Variants in AK5 observed in about 807,000 individuals in gnomAD.
The protein encoded by AK5 is adenylate kinase isoenzyme 5.
Under a neutral mutation model 69.5 loss-of-function variants are expected in AK5, and 27 were observed. That is an observed-to-expected ratio of 0.39 (90% CI 0.29 to 0.54). The LOEUF is 0.54. AK5 is among the 20% of genes least tolerant of loss of function. The pLI is 0.71. For synonymous variants in AK5, 260 were observed against 244.4 expected (o/e 1.06, Z -0.60); for missense variants, 531 against 700.4 (o/e 0.76, Z 2.73).
chr1:77,458,924 AAG>A (rs1389450204), intron 8 of AK5, among the ~76,000 whole-genome samples: 3 of 152,190 alleles, frequency 2.0e-5, no homozygotes, highest in Non-Finnish European at 4.4e-5. Context: ...CCAAAGCCAG[AAG>A]AGAGAGAATT....
chr1:77,309,820 G>C (rs886394164), intron 5 of AK5, among the ~76,000 whole-genome samples: 1 of 151,972 alleles, frequency 6.6e-6, no homozygotes, highest in African/African-American at 2.4e-5. Context: ...TAGATTGTTT[G>C]AGTTTTTAAA....
chr1:77,463,570 T>A (rs1180267184), intron 8 of AK5, among the ~76,000 whole-genome samples: 5 of 147,312 alleles, frequency 3.4e-5, no homozygotes, highest in Non-Finnish European at 6.0e-5. Context: ...TGTTTAGCTT[T>A]AAAAAAAAAA....
In AK5 at chr1:77,535,902, A is replaced by C; in HGVS notation, c.1484A>C (p.Asn495Thr). 1.2e-6 allele frequency: 2 copies of C among 1,613,828 alleles called. No individual in the cohort carries two copies. The highest frequency in any genetic ancestry group is 1.7e-6 in the Non-Finnish European group (2 of 1,179,946). ...GACTGCTCGGCAGACACCATGACCA[A>C]CCGCCTTCTCCAAAGGAGCCGGAGC... Reference protein sequence around the residue: ...CMDCSADTMTNRLLQRSRSSL... With the variant: ...CMDCSADTMTTRLLQRSRSSL... Residue 495 changes from asparagine to threonine, a missense_variant, in exon 13 of 14, where the codon AAC becomes ACC. By Grantham distance (65) the Asn-to-Thr change is moderately conservative (BLOSUM62 0). Coordinates refer to ENST00000354567, the MANE Select transcript of AK5 (RefSeq NM_174858.3).
chr1:77,342,400 A>C (rs1272778236), intron 6 of AK5, among the ~76,000 whole-genome samples: 3 of 152,186 alleles, frequency 2.0e-5, no homozygotes, highest in African/African-American at 7.2e-5. Flanking sequence ...CGGAGTGGAT[A>C]TTATTAATTT....
rs192659886 is a variant in AK5 at position 77,297,225 on chromosome 1, T to C, written c.416-334T>C. 3.2e-3 allele frequency among the ~76,000 whole-genome samples: 483 copies of C among 152,310 alleles called. 2 individuals are homozygous for C. Among genetic ancestry groups the C allele is most frequent in the African/African-American group, 0.011 (463 of 41,582 alleles). ...TTATATTCCACAGATTTTTCTTTGA[T>C]TACAGAGGGAAAAATGTTAGATTTT... On this transcript the variant is annotated intron_variant, in intron 3 of 13. Transcript: ENST00000354567.
At chr1:77,290,186 G>T (rs1318573152) in intron 2 of AK5, among the ~76,000 whole-genome samples, 1 of 152,084 alleles carries the variant, frequency 6.6e-6, no homozygotes, top group Non-Finnish European at 1.5e-5. Context: ...GTATCTGAAA[G>T]GTATGCTAAA....
In AK5 at chr1:77,293,967, G is replaced by A. The variant is rs1658838269; in HGVS notation, c.415+7G>A. On this transcript the variant is annotated splice_region_variant and intron_variant, in intron 3 of 13. Coordinates refer to ENST00000354567, the MANE Select transcript of AK5 (RefSeq NM_174858.3). ...AAAATCATTCTTGTTATAGGTATGA[G>A]GACAGAAAGCAAAAATTCTCATACC... The A allele has an allele frequency of 6.2e-7, 1 of 1,601,562 alleles. No individual in the cohort carries two copies. The highest frequency in any genetic ancestry group is 1.1e-5 in the South Asian group (1 of 87,376).
intron 8 of AK5, among the ~76,000 whole-genome samples, chr1:77,463,167 G>A (rs1157558849): frequency 2.6e-5 from 4 of 152,164 alleles, no homozygotes; most frequent in Non-Finnish European, 5.9e-5. Context: ...CCAATAACAA[G>A]CACCCCAACT....
At chr1:77,489,381 C>T (rs1655833333) in intron 10 of AK5, among the ~76,000 whole-genome samples, 1 of 152,188 alleles carries the variant, frequency 6.6e-6, no homozygotes, top group Non-Finnish European at 1.5e-5. Flanking sequence ...CACTGTGATA[C>T]AAGGGAAAAC....
chr1:77,330,569 C>A (rs953736951), intron 5 of AK5, among the ~76,000 whole-genome samples: 8 of 152,204 alleles, frequency 5.3e-5, no homozygotes, highest in East Asian at 1.9e-4. Flanking sequence ...GGCAGTGAAT[C>A]TGTCTCTAGG....
chr1:77,456,305 G>A (rs1444090480), intron 8 of AK5, among the ~76,000 whole-genome samples: 2 of 152,228 alleles, frequency 1.3e-5, no homozygotes, highest in Non-Finnish European at 2.9e-5. Flanking sequence ...AAGGACACTA[G>A]TTTCTGATCT....
At chr1:77,348,529 C>T (rs1303486102) in intron 6 of AK5, among the ~76,000 whole-genome samples, 2 of 152,112 alleles carry the variant, frequency 1.3e-5, no homozygotes, top group African/African-American at 2.4e-5. Flanking sequence ...ATTCTGATTC[C>T]AAGAACTGTT....
intron 6 of AK5, among the ~76,000 whole-genome samples, chr1:77,378,442 C>A (rs962617762): frequency 6.6e-6 from 1 of 152,180 alleles, no homozygotes; most frequent in Admixed American, 6.5e-5. Context: ...TTGCCTCAGC[C>A]TCCCAAGTAG....
intron 5 of AK5, among the ~76,000 whole-genome samples, chr1:77,309,385 C>T (rs937413945): frequency 5.9e-5 from 9 of 152,044 alleles, no homozygotes; most frequent in Non-Finnish European, 1.3e-4. Context: ...TTTTATATAC[C>T]TGTCTACACG....
chr1:77,484,877 T>C (rs1156660031), intron 9 of AK5, among the ~76,000 whole-genome samples: 1 of 152,258 alleles, frequency 6.6e-6, no homozygotes, highest in Admixed American at 6.5e-5. Flanking sequence ...TTAAAAACTA[T>C]ATACTTAATT....
Position 77,306,440 on chromosome 1 carries a change from T to C in AK5, c.699+8493T>C, listed in dbSNP as rs1659639719. 6.6e-5 allele frequency among the ~76,000 whole-genome samples: 10 copies of C among 152,076 alleles called. No individual in the cohort carries two copies. In the South Asian group the frequency reaches 1.9e-3, roughly 28 times the overall value. On this transcript the variant is annotated intron_variant, in intron 5 of 13. Transcript: ENST00000354567. Reference sequence around the variant, plus strand: ...CCCAGAGATAAATCTCACTTGGTTATGATGAATGATCTTTCTAATGCATTG... The same window carrying C: ...CCCAGAGATAAATCTCACTTGGTTACGATGAATGATCTTTCTAATGCATTG...
At chr1:77,452,633 A>G (rs533664918) in intron 8 of AK5, among the ~76,000 whole-genome samples, 2 of 152,338 alleles carry the variant, frequency 1.3e-5, no homozygotes, top group Non-Finnish European at 2.9e-5. Flanking sequence ...TGCCACAACA[A>G]CATGCATTAG....
chr1:77,344,977 G>C (rs761857134), intron 6 of AK5, among the ~76,000 whole-genome samples: 3 of 129,828 alleles, frequency 2.3e-5, no homozygotes, highest in Non-Finnish European at 4.9e-5. Context: ...TAAAGAAAAA[G>C]GTCTTCTTAA....
At chr1:77,394,227 A>AG (rs1176513299) in intron 6 of AK5, among the ~76,000 whole-genome samples, 26 of 151,818 alleles carry the variant, frequency 1.7e-4, no homozygotes, top group Non-Finnish European at 2.9e-4. Context: ...AAAAAAAAAA[A>AG]GAAAAAGAAA....
Sources: gnomAD v4.1 joint callset for allele counts (sites outside exome capture counted in the v4.1 genomes callset) on GRCh38, gnomAD v4.1.1 for gene constraint, MANE v1.5 for transcripts, NCBI Gene and HGNC (gene_info 2026-07-23, HGNC 2026-07-21) for gene names.